NAALADL2: variants seen among roughly 807,000 people sequenced by gnomAD.
NAALADL2 encodes the protein inactive N-acetylated-alpha-linked acidic dipeptidase-like protein 2.
A neutral mutation model predicts 87.2 loss-of-function variants in NAALADL2; 76 were observed. The observed-to-expected ratio is 0.87, with a 90% CI of 0.72 to 1.05. NAALADL2 has a LOEUF of 1.05. Ranked by LOEUF, NAALADL2 falls within the 50% of genes least tolerant of loss-of-function variation. NAALADL2 has a pLI of 0.00. For missense variants in NAALADL2, 1,089 were observed against 945.8 expected (o/e 1.15, Z -1.99); for synonymous variants, 354 against 331.0 (o/e 1.07, Z -0.75).
chr3:174,839,422 A>C (rs2109412705), intron 3 of NAALADL2, among the ~76,000 whole-genome samples: 1 of 152,312 alleles, frequency 6.6e-6, no homozygotes, highest in South Asian at 2.1e-4. Flanking sequence ...ACCCTTCTAG[A>C]GATTGGCTTA....
intron 5 of NAALADL2, among the ~76,000 whole-genome samples, chr3:175,429,463 T>C (rs1717385520): frequency 2.0e-5 from 3 of 152,046 alleles, no homozygotes; most frequent in African/African-American, 7.2e-5. Flanking sequence ...TGTAGTTTCC[T>C]TTGCTTAGAA....
chr3:175,638,817 A>G (rs1328718003), intron 11 of NAALADL2, among the ~76,000 whole-genome samples: 1 of 152,180 alleles, frequency 6.6e-6, no homozygotes, highest in Non-Finnish European at 1.5e-5. Context: ...TTATTTTCCT[A>G]AAGACTCCAT....
At chr3:174,923,737 T>A (rs1180756157) in intron 1 of NAALADL2, among the ~76,000 whole-genome samples, 1 of 152,174 alleles carries the variant, frequency 6.6e-6, no homozygotes, top group Non-Finnish European at 1.5e-5. Flanking sequence ...TTTTCCTTTA[T>A]TGTAGTCTGG....
intron 5 of NAALADL2, among the ~76,000 whole-genome samples, chr3:175,440,787 T>C (rs1481676344): frequency 6.6e-6 from 1 of 152,156 alleles, no homozygotes; most frequent in Admixed American, 6.6e-5. Flanking sequence ...GATTTTTGGA[T>C]GAGTCTTTAG....
intron 1 of NAALADL2, among the ~76,000 whole-genome samples, chr3:174,926,982 A>G (rs1481849827): frequency 4.0e-5 from 6 of 151,712 alleles, no homozygotes; most frequent in Non-Finnish European, 7.4e-5. Context: ...AGAGACATAC[A>G]TAGGCTCAAA....
At chr3:174,834,972 T>C (rs773615527) in intron 3 of NAALADL2, among the ~76,000 whole-genome samples, 9 of 151,864 alleles carry the variant, frequency 5.9e-5, no homozygotes, top group Non-Finnish European at 1.0e-4. Context: ...ATTTCTAGGA[T>C]AGTCCAAAAT....
chr3:175,799,502 C>T (rs1753885567), intron 13 of NAALADL2, among the ~76,000 whole-genome samples: 1 of 151,906 alleles, frequency 6.6e-6, no homozygotes, highest in Admixed American at 6.6e-5. Context: ...TATCCTGGCA[C>T]CAGAAGCCAA....
At chr3:175,419,136 T>G (rs766377272) in intron 5 of NAALADL2, among the ~76,000 whole-genome samples, 3 of 151,852 alleles carry the variant, frequency 2.0e-5, no homozygotes, top group African/African-American at 2.4e-5. Context: ...CAGAGTGAAT[T>G]CTCATAATCA....
At chr3:174,563,289 C>A (rs1445709378) in intron 2 of NAALADL2, among the ~76,000 whole-genome samples, 11 of 150,854 alleles carry the variant, frequency 7.3e-5, no homozygotes, top group Non-Finnish European at 1.2e-4. Context: ...TGCTATAAAC[C>A]TTTTGGTGAT....
intron 2 of NAALADL2, among the ~76,000 whole-genome samples, chr3:175,170,948 C>G (rs1400897510): frequency 1.3e-5 from 2 of 151,858 alleles, no homozygotes; most frequent in Non-Finnish European, 2.9e-5. Flanking sequence ...TGGCTGCCAT[C>G]AGAGAGTTAT....
chr3:174,558,605 T>C (rs185506656), intron 2 of NAALADL2, among the ~76,000 whole-genome samples: 68 of 151,888 alleles, frequency 4.5e-4, no homozygotes, highest in Non-Finnish European at 8.7e-4. Flanking sequence ...CCCCTGAAAA[T>C]CTAACGCTGC....
chr3:175,328,539 A>G (rs766075384), intron 5 of NAALADL2, among the ~76,000 whole-genome samples: 8 of 152,154 alleles, frequency 5.3e-5, no homozygotes, highest in Non-Finnish European at 1.2e-4. Context: ...TAATCTTGCT[A>G]TAAGTATTTC....
In NAALADL2 at chr3:175,097,814, TAGTGA is replaced by T. The variant is rs1167425647; in HGVS notation, c.545+531_545+535del. On this transcript the variant is annotated intron_variant, in intron 2 of 13. Transcript: ENST00000454872. The stretch of plus-strand genomic sequence containing the variant: ...TAAAAGGTTTTCTAGTTTACATATT[TAGTGA>T]AGTGAAGAACTAGATATGCAAGATG... Among the ~76,000 whole-genome samples, 6 of 152,150 alleles carry T rather than the reference TAGTGA, an allele frequency of 3.9e-5. 1 individual carries two copies. Among genetic ancestry groups the T allele is most frequent in the African/African-American group, 7.2e-5 (3 of 41,434 alleles).
At chr3:175,581,878 C>T (rs114811438) in intron 10 of NAALADL2, among the ~76,000 whole-genome samples, 1,773 of 152,334 alleles carry the variant, frequency 0.012, 29 homozygotes, top group African/African-American at 0.037. Flanking sequence ...CATTCAACTA[C>T]ATCTTATTCA....
chr3:175,793,307 CTTTTTTTTTT>C (rs66905230), intron 13 of NAALADL2, among the ~76,000 whole-genome samples: 1 of 116,932 alleles, frequency 8.6e-6, no homozygotes. Flanking sequence ...CATTTTCTTT[CTTTTTTTTTT>C]TTTTTTTTCG....
chr3:175,242,902 T>C (rs993981471), intron 3 of NAALADL2, among the ~76,000 whole-genome samples: 3 of 152,200 alleles, frequency 2.0e-5, no homozygotes, highest in African/African-American at 7.2e-5. Context: ...AGTTTCCTCA[T>C]CTATAAAAAT....
upstream of NAALADL2, among the ~76,000 whole-genome samples, chr3:174,856,840 C>T (rs760287605): frequency 3.9e-5 from 6 of 152,052 alleles, no homozygotes; most frequent in Non-Finnish European, 8.8e-5. Flanking sequence ...CCTCAGACTG[C>T]AAAAGTTACA....
At chr3:174,552,523 G>C (rs933246505) in intron 2 of NAALADL2, among the ~76,000 whole-genome samples, 5 of 152,066 alleles carry the variant, frequency 3.3e-5, no homozygotes, top group African/African-American at 1.2e-4. Context: ...GGCCGGGTGT[G>C]GTGGCTTATG....
intron 5 of NAALADL2, among the ~76,000 whole-genome samples, chr3:175,412,246 A>T (rs1057439315): frequency 6.6e-5 from 10 of 152,192 alleles, no homozygotes; most frequent in African/African-American, 9.6e-5. Flanking sequence ...GACACAAAAG[A>T]TAGATTATGT....
Sources: gnomAD v4.1 joint callset for allele counts (sites outside exome capture counted in the v4.1 genomes callset) on GRCh38, gnomAD v4.1.1 for gene constraint, MANE v1.5 for transcripts, NCBI Gene and HGNC (gene_info 2026-07-23, HGNC 2026-07-21) for gene names.